The following UBQLN1 variants were observed in gnomAD, a reference collection of about 807,000 sequenced individuals.
UBQLN1 encodes the protein ubiquilin 1.
UBQLN1 carries 13 observed loss-of-function variants against 65.4 expected under a neutral mutation model. That is an observed-to-expected ratio of 0.20 (90% confidence interval 0.13 to 0.32). UBQLN1 has a LOEUF of 0.32. UBQLN1 is among the 10% of genes least tolerant of loss of function. The pLI, the probability that UBQLN1 is intolerant of heterozygous loss-of-function variation, is 1.00. For synonymous variants in UBQLN1, 267 were observed against 247.8 expected, an observed-to-expected ratio of 1.08 and a Z score of -0.73; for missense variants, 561 against 724.0, an observed-to-expected ratio of 0.77 and a Z score of 2.58.
At position 83,694,118 on chromosome 9, in the gene UBQLN1, A is replaced by G. The variant is rs1221281642; in HGVS notation, c.181-7963T>C. 5.3e-5 allele frequency among the ~76,000 whole-genome samples: 8 copies of G among 152,358 alleles called. No individual in the cohort carries two copies. In the South Asian group the frequency reaches 1.0e-3, roughly 20 times the overall value. On this transcript the variant is annotated intron_variant, in intron 1 of 10. Transcript: ENST00000376395. ...AAACATCCAAACTTGCTTTTAAACAACCATTCTCCATCTCACCTATTAAAC... is the reference window on the plus strand; with the variant it reads ...AAACATCCAAACTTGCTTTTAAACAGCCATTCTCCATCTCACCTATTAAAC...
rs1375047799 is a variant in UBQLN1, at chr9:83,707,685, T to G, written c.-6A>C. The G allele has an allele frequency of 6.5e-7, 1 of 1,527,888 alleles. No homozygotes were observed. Among genetic ancestry groups the G allele is most frequent in the East Asian group, 2.5e-5 (1 of 39,882 alleles). The allele number at this position is 1,527,888 out of a possible 1,614,324, so 94.6% of individuals were successfully genotyped here. A position where few individuals can be genotyped will look rare whatever the true frequency, so the allele number is the denominator to read the frequency against. On this transcript the variant is annotated 5_prime_UTR_variant, in exon 1 of 11. Coordinates refer to ENST00000376395, the MANE Select transcript of UBQLN1 (RefSeq NM_013438.5). ...CTTTCACCACTCTCGGCCATGGCTG[T>G]GGCGGCGGCGGCGGCGGTGACTCAG...
chr9:83,679,912 T>G lies in UBQLN1; in HGVS notation c.574A>C (p.Asn192His). The G allele has an allele frequency of 6.2e-7, 1 of 1,614,158 alleles. No homozygotes were observed. Among genetic ancestry groups the G allele is most frequent in the Non-Finnish European group, 8.5e-7 (1 of 1,180,020 alleles). ...GAGAGCATGCTCTGAACAAAGGGAT[T>G]TTCCATGATCTGGACCATCATTTCA... ...NPEMMVQIME[N>H]PFVQSMLSNP... is the part of the protein sequence containing the mutation. The change falls in exon 4 of 11, where the codon AAT becomes CAT. Residue 192 changes from asparagine (N) to histidine (H), a missense_variant. Around this residue, in one of 8 missense-constraint regions of UBQLN1, gnomAD observed 87 missense variants for 88.8 expected, o/e 0.98. Transcript: ENST00000376395.
chr9:83,666,291 T>C (rs1261528412), intron 8 of UBQLN1, 59 bp downstream of exon 8: 2 of 1,533,832 alleles, frequency 1.3e-6, no homozygotes, highest in Non-Finnish European at 1.8e-6. Context: ...AAAATGTTTA[T>C]CATCAAATTT....
chr9:83,666,300 T>C (rs1277995753), intron 8 of UBQLN1, 50 bp downstream of exon 8: 4 of 1,583,104 alleles, frequency 2.5e-6, no homozygotes, highest in East Asian at 2.2e-5. Context: ...ATCATCAAAT[T>C]TTTTCAAGCA....
At chr9:83,701,388 C>A (rs775386134) in intron 1 of UBQLN1, among the ~76,000 whole-genome samples, 2 of 152,116 alleles carry the variant, frequency 1.3e-5, no homozygotes, top group Non-Finnish European at 2.9e-5. Context: ...GCCAAGTGCA[C>A]TGCCCAGTTT....
At chr9:83,673,539 G>A (rs1485727841) in intron 6 of UBQLN1, among the ~76,000 whole-genome samples, 3 of 115,772 alleles carry the variant, frequency 2.6e-5, no homozygotes, top group Admixed American at 1.0e-4. Flanking sequence ...GTCGAGACTC[G>A]GTCTTTTAAA....
intron 6 of UBQLN1, among the ~76,000 whole-genome samples, chr9:83,672,329 G>A (rs1831747464): frequency 6.6e-6 from 1 of 152,212 alleles, no homozygotes; most frequent in Non-Finnish European, 1.5e-5. Context: ...TTTGGTGCAA[G>A]AGGCCTAGCT....
chr9:83,678,303 G>A (rs1419497803), intron 5 of UBQLN1, 138 bp downstream of exon 5: 6 of 1,082,188 alleles, frequency 5.5e-6, no homozygotes, highest in Non-Finnish European at 7.8e-6. Context: ...TTACAGGCGT[G>A]AGCCACTGCA....
At chr9:83,665,512 T>G (rs1349878640) in intron 8 of UBQLN1, 2 of 173,646 alleles carry the variant, frequency 1.2e-5, no homozygotes, top group Non-Finnish European at 1.2e-5. Flanking sequence ...AAGCCACATA[T>G]TCCACCTAAC....
At chr9:83,680,147 A>T in intron 3 of UBQLN1, 110 bp from the exon 4 acceptor site, 1 of 1,170,152 alleles carries the variant, frequency 8.5e-7, no homozygotes, top group Non-Finnish European at 1.2e-6. Context: ...ATAGTCTATT[A>T]CAAGAAATCA....
At chr9:83,671,678 C>CT (rs887395069) in intron 6 of UBQLN1, among the ~76,000 whole-genome samples, 18 of 151,492 alleles carry the variant, frequency 1.2e-4, no homozygotes, top group South Asian at 2.1e-4. Context: ...TTCTTTTTTT[C>CT]TTTTTTTTCC....
intron 7 of UBQLN1, chr9:83,667,699 C>T (rs953091858): frequency 1.2e-5 from 12 of 984,726 alleles, no homozygotes; most frequent in African/African-American, 8.7e-5. Flanking sequence ...TCATCTTAAA[C>T]GTATCCTTTC....
intron 1 of UBQLN1, among the ~76,000 whole-genome samples, chr9:83,686,486 T>C (rs1020433739): frequency 6.6e-6 from 1 of 152,190 alleles, no homozygotes; most frequent in Non-Finnish European, 1.5e-5. Context: ...GAAATGATTA[T>C]TACTTCATCT....
chr9:83,691,461 A>C (rs1313004368), intron 1 of UBQLN1, among the ~76,000 whole-genome samples: 1 of 152,228 alleles, frequency 6.6e-6, no homozygotes, highest in East Asian at 1.9e-4. Flanking sequence ...ATTTAAAGAC[A>C]GGAGTCTCCT....
chr9:83,702,507 C>A (rs899638408), intron 1 of UBQLN1, among the ~76,000 whole-genome samples: 1 of 151,734 alleles, frequency 6.6e-6, no homozygotes, highest in African/African-American at 2.4e-5. Context: ...ATATAAGCCA[C>A]AAGTAATTTA....
Position 83,678,369 on chromosome 9 carries a change from C to A in UBQLN1, c.870+72G>T, listed in dbSNP as rs1323926883. 14 of 1,498,404 alleles carry A rather than the reference C, an allele frequency of 9.3e-6. No individual in the cohort carries two copies. In the Admixed American group the frequency reaches 2.7e-4, roughly 29 times the overall value. 92.8% of individuals were successfully genotyped at this position (1,498,404 alleles called of 1,614,324 possible). On this transcript the variant is annotated intron_variant, in intron 5 of 10. Transcript: ENST00000376395. ...ACCACATTCCTCATATAAAAGCTAC[C>A]CTCAATCATACACATATTTGTGTTA...
intron 2 of UBQLN1, among the ~76,000 whole-genome samples, chr9:83,684,496 G>A (rs1255227830): frequency 1.3e-5 from 2 of 151,730 alleles, no homozygotes; most frequent in Non-Finnish European, 2.9e-5. Context: ...CGCCTGGCCT[G>A]ATTATTACTT....
chr9:83,670,504 A>G (rs934222381), intron 6 of UBQLN1, among the ~76,000 whole-genome samples: 1 of 152,162 alleles, frequency 6.6e-6, no homozygotes, highest in Non-Finnish European at 1.5e-5. Flanking sequence ...AGTTGTTTGC[A>G]TGATACTGTA....
chr9:83,707,669 C>T lies in UBQLN1; in HGVS notation c.11G>A (p.Ser4Asn). The stretch of plus-strand genomic sequence containing the variant: ...GCCCGGAGGACCGCCGCTTTCACCA[C>T]TCTCGGCCATGGCTGTGGCGGCGGC... MAE[S>N]GESGGPPGSQ... The change falls in exon 1 of 11, where the codon AGT becomes AAT. Residue 4 changes from serine (S) to asparagine (N), a missense_variant. Ser to Asn is a conservative substitution (Grantham distance 46). Transcript: ENST00000376395. 2 of 1,551,322 alleles carry T rather than the reference C, an allele frequency of 1.3e-6. No homozygotes were observed. Among genetic ancestry groups the T allele is most frequent in the Non-Finnish European group, 1.7e-6 (2 of 1,150,754 alleles).
Sources: allele counts gnomAD v4.1 joint callset (sites outside exome capture counted in the v4.1 genomes callset), GRCh38; gene constraint gnomAD v4.1.1; regional missense constraint gnomAD v4.1.1; transcripts MANE v1.5; gene names NCBI Gene and HGNC (gene_info 2026-07-23, HGNC 2026-07-21).